The following HACE1 variants were observed in gnomAD, a reference collection of about 807,000 sequenced individuals.
The protein encoded by HACE1 is HECT domain and ankyrin repeat containing E3 ubiquitin protein ligase 1, also known as E3 ubiquitin-protein ligase HACE1.
In HACE1, 73 loss-of-function variants were observed where a neutral mutation model predicts 118.4. The observed-to-expected ratio is 0.62, with a 90% confidence interval of 0.51 to 0.75. The LOEUF (loss-of-function observed/expected upper bound fraction) is 0.75. Ranked by LOEUF, HACE1 falls within the 30% of genes least tolerant of loss-of-function variation. The probability of loss-of-function intolerance (pLI) is 0.00; values close to 1 mark genes in which losing one functional copy is unlikely to be tolerated. For missense variants in HACE1, 749 were observed against 1,102.2 expected (o/e 0.68, Z 4.54); for synonymous variants, 368 against 374.8 (o/e 0.98, Z 0.21).
intron 19 of HACE1, among the ~76,000 whole-genome samples, chr6:104,767,407 A>T (rs886221267): frequency 2.0e-5 from 3 of 152,118 alleles, no homozygotes; most frequent in African/African-American, 7.2e-5. Flanking sequence ...CTTGCCTTAC[A>T]TAATTCTTCA....
chr6:104,787,191 C>A (rs1299604963), intron 11 of HACE1: 1 of 152,204 alleles, frequency 6.6e-6, no homozygotes, highest in Non-Finnish European at 1.5e-5. Flanking sequence ...TTCACTCACT[C>A]AACCAGTACT....
chr6:104,795,730 T>C (rs1337768685), intron 9 of HACE1, 45 bp from the exon 10 acceptor site: 1 of 1,133,188 alleles, frequency 8.8e-7, no homozygotes, highest in Admixed American at 1.7e-5. Flanking sequence ...TAGTAATCCA[T>C]TAAATCTTAT....
At chr6:104,732,539 G>A (rs1484348071) in intron 22 of HACE1, among the ~76,000 whole-genome samples, 2 of 152,160 alleles carry the variant, frequency 1.3e-5, no homozygotes, top group Admixed American at 1.3e-4. Flanking sequence ...AGGCGGGTGG[G>A]AAAGGAGGAG....
chr6:104,858,358 T>G (rs1776949463), intron 1 of HACE1: 2 of 222,954 alleles, frequency 9.0e-6, no homozygotes, highest in Admixed American at 6.1e-5. Context: ...TAGAATCTAG[T>G]TACCAAAATC....
chr6:104,835,142 A>T (rs1394784948), intron 5 of HACE1, among the ~76,000 whole-genome samples: 3 of 152,240 alleles, frequency 2.0e-5, no homozygotes, highest in Non-Finnish European at 4.4e-5. Flanking sequence ...ATGCCTAAAG[A>T]AATCGACACT....
In HACE1 at chr6:104,744,998, C is replaced by G. The variant is rs964624300; in HGVS notation, c.2344-388G>C. Among the ~76,000 whole-genome samples, 6 of 152,064 alleles carry G rather than the reference C, an allele frequency of 3.9e-5. No homozygotes were observed. In the Middle Eastern group the frequency reaches 9.5e-3, roughly 241 times the overall value. Reference sequence around the variant, plus strand: ...TTCTGTAAGGAGACAGTATTCTCAACATGAAAGTGACAACAAAGACCCGAA... The same window carrying G: ...TTCTGTAAGGAGACAGTATTCTCAAGATGAAAGTGACAACAAAGACCCGAA... On this transcript the variant is annotated intron_variant, in intron 20 of 23. Transcript: ENST00000262903.
chr6:104,748,461 G>C (rs1777682637), intron 20 of HACE1, among the ~76,000 whole-genome samples: 2 of 152,148 alleles, frequency 1.3e-5, no homozygotes. Context: ...AGAACACCCA[G>C]AACTCTCACA....
chr6:104,859,542 A>G, intron 1 of HACE1, 25 bp downstream of exon 1: 1 of 1,499,336 alleles, frequency 6.7e-7, no homozygotes, highest in Non-Finnish European at 8.9e-7. Context: ...CCCCGCGGCC[A>G]GCCTGGCCCC....
intron 7 of HACE1, among the ~76,000 whole-genome samples, chr6:104,810,460 T>C (rs61284241): frequency 2.2e-3 from 334 of 152,112 alleles, no homozygotes; most frequent in African/African-American, 7.8e-3. Context: ...GAGCTCTATA[T>C]CGGAATATGA....
intron 11 of HACE1, among the ~76,000 whole-genome samples, chr6:104,787,712 C>G (rs1782595058): frequency 1.3e-5 from 2 of 152,088 alleles, no homozygotes; most frequent in African/African-American, 4.8e-5. Flanking sequence ...TCTAAACCAA[C>G]AGTGATCCTA....
At chr6:104,840,790 C>T (rs925308987) in intron 5 of HACE1, among the ~76,000 whole-genome samples, 5 of 152,144 alleles carry the variant, frequency 3.3e-5, no homozygotes, top group Non-Finnish European at 7.4e-5. Flanking sequence ...ATGGAGAAAC[C>T]CCGTCTCTAC....
chr6:104,833,345 T>C (rs1038734779), intron 5 of HACE1, among the ~76,000 whole-genome samples, 172 bp from the exon 6 acceptor site: 5 of 152,242 alleles, frequency 3.3e-5, no homozygotes, highest in African/African-American at 7.2e-5. Context: ...GTCATTTTTT[T>C]CCTTTTTTAA....
At chr6:104,778,674 G>A (rs944788750) in intron 14 of HACE1, among the ~76,000 whole-genome samples, 11 of 151,858 alleles carry the variant, frequency 7.2e-5, no homozygotes, top group Admixed American at 5.9e-4. Flanking sequence ...AGTGGTATGC[G>A]CCTACAGTCC....
At chr6:104,810,719 C>T (rs530674153) in intron 7 of HACE1, among the ~76,000 whole-genome samples, 2 of 151,840 alleles carry the variant, frequency 1.3e-5, no homozygotes, top group South Asian at 4.2e-4. Flanking sequence ...AAACATTTGC[C>T]GAATACATGA....
At chr6:104,859,500 G>A in intron 1 of HACE1, 67 bp downstream of exon 1, 1 of 1,169,778 alleles carries the variant, frequency 8.5e-7, no homozygotes, top group Non-Finnish European at 1.2e-6. Context: ...CCTTGACGCG[G>A]CCGGAGCTCC....
chr6:104,789,137 C>T (rs1782732449), intron 11 of HACE1, among the ~76,000 whole-genome samples: 1 of 152,052 alleles, frequency 6.6e-6, no homozygotes, highest in South Asian at 2.1e-4. Flanking sequence ...ATCTGATTCC[C>T]ATGGATGACA....
chr6:104,761,595 C>T (rs1386814525), intron 19 of HACE1, among the ~76,000 whole-genome samples: 2 of 152,160 alleles, frequency 1.3e-5, no homozygotes, highest in Non-Finnish European at 2.9e-5. Context: ...CATAAAAATC[C>T]TGCAAGAAAA....
intron 22 of HACE1, among the ~76,000 whole-genome samples, chr6:104,735,804 G>A (rs1253949366): frequency 1.3e-5 from 2 of 151,974 alleles, no homozygotes; most frequent in Non-Finnish European, 2.9e-5. Flanking sequence ...TCTATAATCA[G>A]ACTGTCCCAC....
intron 6 of HACE1, among the ~76,000 whole-genome samples, chr6:104,831,622 G>A (rs71572238): frequency 0.17 from 26,248 of 151,116 alleles, 2,446 homozygotes; most frequent in African/African-American, 0.25. Flanking sequence ...GGCCGGGCAC[G>A]GTGGCTCACG....
Sources: allele counts gnomAD v4.1 joint callset (sites outside exome capture counted in the v4.1 genomes callset), GRCh38; gene constraint gnomAD v4.1.1; transcripts MANE v1.5; gene names NCBI Gene and HGNC (gene_info 2026-07-23, HGNC 2026-07-21).